SLC8A1: variants seen among roughly 807,000 people sequenced by gnomAD.
SLC8A1 encodes the protein solute carrier family 8 member A1.
SLC8A1 carries 18 observed loss-of-function variants against 68.3 expected under a neutral mutation model. The observed-to-expected ratio is 0.26, with a 90% confidence interval of 0.18 to 0.39. SLC8A1 has a LOEUF of 0.39. Among genes scored for constraint, SLC8A1 ranks in the 10% least tolerant of loss-of-function variants. The probability of loss-of-function intolerance (pLI) is 1.00; values close to 1 mark genes in which losing one functional copy is unlikely to be tolerated. For missense variants in SLC8A1, 985 were observed against 1,156.7 expected (o/e 0.85, Z 2.15); for synonymous variants, 475 against 415.5 (o/e 1.14, Z -1.74).
intron 2 of SLC8A1, chr2:40,209,078 A>T (rs2056068448): frequency 6.6e-6 from 1 of 152,148 alleles, no homozygotes; most frequent in Admixed American, 6.6e-5. Context: ...TGTCCTTGAG[A>T]TGAGACAGGT....
intron 2 of SLC8A1, among the ~76,000 whole-genome samples, chr2:40,307,178 TAC>T (rs145712934): frequency 2.8e-5 from 3 of 108,916 alleles, no homozygotes; most frequent in East Asian, 3.3e-4. Flanking sequence ...CACAAACACA[TAC>T]ACACACACAC....
At chr2:40,294,757 A>T (rs2070015897) in intron 2 of SLC8A1, among the ~76,000 whole-genome samples, 1 of 152,198 alleles carries the variant, frequency 6.6e-6, no homozygotes, top group African/African-American at 2.4e-5. Context: ...AATAAAGTTA[A>T]ATGCAATTTC....
intron 2 of SLC8A1, among the ~76,000 whole-genome samples, chr2:40,287,909 G>T (rs2068610344): frequency 6.6e-6 from 1 of 152,096 alleles, no homozygotes; most frequent in Non-Finnish European, 1.5e-5. Context: ...ATTCTGGAAA[G>T]AGGAAGAACA....
intron 2 of SLC8A1, among the ~76,000 whole-genome samples, chr2:40,222,789 A>T (rs1209144650): frequency 6.6e-6 from 1 of 152,248 alleles, no homozygotes; most frequent in Non-Finnish European, 1.5e-5. Flanking sequence ...ACTTGTCATT[A>T]GAGAAATGCA....
intron 2 of SLC8A1, among the ~76,000 whole-genome samples, chr2:40,284,581 TATAG>T (rs1270369289): frequency 4.1e-5 from 6 of 147,682 alleles, no homozygotes; most frequent in African/African-American, 1.5e-4. Flanking sequence ...TATATCTATA[TATAG>T]ATATTTTGTT....
chr2:40,113,434 C>G (rs1357737503), exon 8 of SLC8A1: 1 of 152,700 alleles, frequency 6.5e-6, no homozygotes. Flanking sequence ...ATAGAAACAG[C>G]TATTCTTTTT....
intron 2 of SLC8A1, among the ~76,000 whole-genome samples, chr2:40,318,816 GT>G (rs2074821564): frequency 6.6e-6 from 1 of 152,120 alleles, no homozygotes; most frequent in Admixed American, 6.6e-5. Context: ...GCTATATCAA[GT>G]GCCTACTGTG....
intron 4 of SLC8A1, among the ~76,000 whole-genome samples, chr2:40,172,845 G>C (rs1203281477): frequency 6.6e-6 from 1 of 152,172 alleles, no homozygotes; most frequent in Non-Finnish European, 1.5e-5. Flanking sequence ...GGGAGGCTGA[G>C]GCAGGAGAAT....
intron 2 of SLC8A1, among the ~76,000 whole-genome samples, chr2:40,226,497 C>G (rs2058996627): frequency 6.6e-6 from 1 of 152,078 alleles, no homozygotes. Context: ...TGAGAATAAT[C>G]TGGTTTCTGT....
chr2:40,375,471 G>T (rs1679511451), intron 2 of SLC8A1, among the ~76,000 whole-genome samples: 1 of 151,964 alleles, frequency 6.6e-6, no homozygotes, highest in Non-Finnish European at 1.5e-5. Flanking sequence ...CATTTTAATT[G>T]GATAGTTTTA....
At chr2:40,147,955 G>A (rs1264404434) in intron 6 of SLC8A1, among the ~76,000 whole-genome samples, 1 of 152,090 alleles carries the variant, frequency 6.6e-6, no homozygotes, top group Non-Finnish European at 1.5e-5. Context: ...AAGAATCTGA[G>A]GCTCACACCA....
chr2:40,187,628 G>C (rs1398562710), intron 2 of SLC8A1, among the ~76,000 whole-genome samples: 2 of 151,700 alleles, frequency 1.3e-5, no homozygotes, highest in Non-Finnish European at 2.9e-5. Flanking sequence ...AATAAATTTA[G>C]TTCTTTAGTC....
At chr2:40,382,120 T>C (rs757161029) in intron 2 of SLC8A1, among the ~76,000 whole-genome samples, 3 of 152,122 alleles carry the variant, frequency 2.0e-5, no homozygotes, top group South Asian at 4.1e-4. Context: ...TTCTCTACTG[T>C]AGCACTAATA....
chr2:40,128,978 A>G (rs2038753990), intron 7 of SLC8A1, among the ~76,000 whole-genome samples: 1 of 152,210 alleles, frequency 6.6e-6, no homozygotes, highest in Non-Finnish European at 1.5e-5. Context: ...TGCCTGGGGC[A>G]GAGGGTGGAG....
At chr2:40,272,550 T>C (rs970262101) in intron 2 of SLC8A1, among the ~76,000 whole-genome samples, 1 of 152,200 alleles carries the variant, frequency 6.6e-6, no homozygotes, top group African/African-American at 2.4e-5. Flanking sequence ...GCAGAGCCTG[T>C]GCTCTGAGGA....
intron 2 of SLC8A1, among the ~76,000 whole-genome samples, chr2:40,404,976 A>C (rs1689872755): frequency 6.6e-6 from 1 of 152,230 alleles, no homozygotes; most frequent in African/African-American, 2.4e-5. Flanking sequence ...ACTTGTATCC[A>C]GAAGTGGATT....
At chr2:40,161,451 CAAG>C (rs891829897) in intron 5 of SLC8A1, among the ~76,000 whole-genome samples, 2 of 152,124 alleles carry the variant, frequency 1.3e-5, no homozygotes, top group African/African-American at 4.8e-5. Flanking sequence ...CTATTGCAAA[CAAG>C]AATACACAAA....
At chr2:40,411,454 T>C (rs1035465691) in intron 2 of SLC8A1, among the ~76,000 whole-genome samples, 7 of 152,038 alleles carry the variant, frequency 4.6e-5, no homozygotes, top group African/African-American at 1.7e-4. Flanking sequence ...CCTTACCATG[T>C]CTATAAATTT....
At chr2:40,421,806 T>C (rs533567782) in intron 2 of SLC8A1, among the ~76,000 whole-genome samples, 2 of 152,286 alleles carry the variant, frequency 1.3e-5, no homozygotes, top group East Asian at 1.9e-4. Context: ...CCTGGCTCTA[T>C]AGTGAAACAG....
Sources: gnomAD v4.1 joint callset for allele counts (sites outside exome capture counted in the v4.1 genomes callset) on GRCh38, gnomAD v4.1.1 for gene constraint, MANE v1.5 for transcripts, NCBI Gene and HGNC (gene_info 2026-07-23, HGNC 2026-07-21) for gene names.